The following DET1 variants were observed in gnomAD, a reference collection of about 807,000 sequenced individuals.
The protein encoded by DET1 is DET1 homolog.
DET1 carries 22 observed loss-of-function variants against 43.7 expected under a neutral mutation model. That is an observed-to-expected ratio of 0.50 (90% CI 0.36 to 0.72). DET1 has a LOEUF of 0.72. DET1 is among the 30% of genes least tolerant of loss of function. The pLI, the probability that DET1 is intolerant of heterozygous loss-of-function variation, is 0.00. For synonymous variants in DET1, 315 were observed against 266.2 expected (o/e 1.18, Z -1.79); for missense variants, 713 against 713.3 (o/e 1.00, Z 0.00).
chr15:88,507,421 G>T (rs1176034236), intron 7 of DET1, among the ~76,000 whole-genome samples: 1 of 152,084 alleles, frequency 6.6e-6, no homozygotes, highest in Non-Finnish European at 1.5e-5. Flanking sequence ...CCATTTATTT[G>T]ACTCCAAAAC....
At chr15:88,537,364 T>C (rs574405086) in intron 1 of DET1, among the ~76,000 whole-genome samples, 1 of 152,298 alleles carries the variant, frequency 6.6e-6, no homozygotes, top group East Asian at 1.9e-4. Flanking sequence ...TCTCACCTCC[T>C]GGATTTTTTG....
chr15:88,526,850 A>G (rs1316059011), intron 3 of DET1, among the ~76,000 whole-genome samples: 1 of 152,338 alleles, frequency 6.6e-6, no homozygotes, highest in East Asian at 1.9e-4. Flanking sequence ...AAAGGGATCT[A>G]GAGGGTCTGA....
In DET1 at chr15:88,512,660, C is replaced by G. The variant is rs992300353; in HGVS notation, c.*291G>C. 5 of 1,150,156 alleles carry G rather than the reference C, an allele frequency of 4.3e-6. No homozygotes were observed. Among genetic ancestry groups the G allele is most frequent in the Non-Finnish European group, 3.2e-6 (3 of 935,042 alleles). The allele number at this position is 1,150,156 out of a possible 1,614,324, so 71.2% of individuals were successfully genotyped here. A position where few individuals can be genotyped will look rare whatever the true frequency, so the allele number is the denominator to read the frequency against. ...TAAAAGTCTAATGCTTTCATCTTCA[C>G]AGCAATCAAATGCAAAGTAAAGCAA... On this transcript the variant is annotated 3_prime_UTR_variant, in exon 5 of 5. Transcript: ENST00000268148.
At position 88,531,278 on chromosome 15, in the gene DET1, T is replaced by A; in HGVS notation, c.428A>T (p.Glu143Val). The change falls in exon 2 of 5, where the codon GAG becomes GTG. Residue 143 changes from glutamate to valine, a missense_variant. Transcript: ENST00000268148. The surrounding 1 kb of genome is among the most constrained non-coding windows in gnomAD (Gnocchi z 6.2). ...GCAGTCATCAGTGAAGAGACTACAC[T>A]CCCGGTTCAGGTGCTCACCATTGGC... ...VAANGEHLNRECSLFTDDCRC... is the reference protein window; with the variant it reads ...VAANGEHLNRVCSLFTDDCRC... 1.9e-6 allele frequency: 3 copies of A among 1,613,838 alleles called. No individual in the cohort carries two copies. Among genetic ancestry groups the A allele is most frequent in the Non-Finnish European group, 1.7e-6 (2 of 1,179,856 alleles).
At chr15:88,528,334 A>C (rs1010112396) in intron 2 of DET1, among the ~76,000 whole-genome samples, 1 of 152,244 alleles carries the variant, frequency 6.6e-6, no homozygotes. Flanking sequence ...TAATATTTCT[A>C]ACATGCAGAG....
chr15:88,513,280 G>A (rs868174969), intron 4 of DET1, 140 bp from the exon 5 acceptor site: 1 of 818,446 alleles, frequency 1.2e-6, no homozygotes, highest in Non-Finnish European at 1.9e-6. Flanking sequence ...TCAGCCCCAG[G>A]TTATCAGAAG....
At chr15:88,511,397 C>A (rs538366097), downstream of DET1, 50 of 985,426 alleles carry the variant, frequency 5.1e-5, no homozygotes, top group South Asian at 2.0e-3. Flanking sequence ...TCTCCCTCAC[C>A]CCAGTGTATG....
chr15:88,515,539 AT>A (rs143686359), intron 4 of DET1, among the ~76,000 whole-genome samples: 15,936 of 53,432 alleles, frequency 0.3, 5,803 homozygotes, highest in African/African-American at 0.51. Context: ...ACTCCGTCTT[AT>A]AAAAAAAAAA....
At chr15:88,534,378 G>T (rs2142318811) in intron 1 of DET1, among the ~76,000 whole-genome samples, 1 of 152,280 alleles carries the variant, frequency 6.6e-6, no homozygotes, top group African/African-American at 2.4e-5. Context: ...AAAACCAATT[G>T]GCTAACAATA....
rs56400610 is a variant in DET1, at chr15:88,545,664, T to TCAATAGAAC, written c.-11+875_-11+876insGTTCTATTG. Reference sequence around the variant, plus strand: ...CTGTCAAACTTATGTATCTTAAGACTCCCCTTGTTAAAACTGAGGAATCAA... The same window carrying TCAATAGAAC: ...CTGTCAAACTTATGTATCTTAAGACTCAATAGAACCCCCTTGTTAAAACTGAGGAATCAA... On this transcript the variant is annotated intron_variant, in intron 1 of 4. Coordinates refer to ENST00000268148, the MANE Select transcript of DET1 (RefSeq NM_001144074.3). Among the ~76,000 whole-genome samples, 102 of 148,234 alleles carry TCAATAGAAC rather than the reference T, an allele frequency of 6.9e-4. No individual in the cohort carries two copies. The South Asian group carries it at 0.021, about 30-fold the overall frequency.
intron 4 of DET1, 32 bp from the exon 5 acceptor site, chr15:88,513,172 A>T (rs2056240321): frequency 6.4e-7 from 1 of 1,571,672 alleles, no homozygotes; most frequent in Non-Finnish European, 8.6e-7. Context: ...ACAGAGAAAG[A>T]GGGGACAGGA....
At chr15:88,513,161 G>A in intron 4 of DET1, 21 bp from the exon 5 acceptor site, 1 of 1,586,750 alleles carries the variant, frequency 6.3e-7, no homozygotes, top group Non-Finnish European at 8.6e-7. Flanking sequence ...CAAGGACAGA[G>A]ACAGAGAAAG....
chr15:88,508,948 T>C (rs1005677012), downstream of DET1, among the ~76,000 whole-genome samples: 4 of 152,026 alleles, frequency 2.6e-5, no homozygotes, highest in Admixed American at 2.6e-4. Flanking sequence ...AAGACCAGGG[T>C]CTTTTGAAAA....
At chr15:88,519,968 C>A (rs910932666) in intron 3 of DET1, among the ~76,000 whole-genome samples, 4 of 152,298 alleles carry the variant, frequency 2.6e-5, no homozygotes, top group Admixed American at 6.5e-5. Flanking sequence ...TACTTTGTTA[C>A]TAACAAATGG....
intron 3 of DET1, among the ~76,000 whole-genome samples, chr15:88,518,620 G>T (rs192200493): frequency 2.0e-5 from 3 of 152,212 alleles, no homozygotes; most frequent in African/African-American, 4.8e-5. Flanking sequence ...TAGAAAGAAT[G>T]TCAACTGTCT....
chr15:88,512,169 C>T (rs902665299), downstream of DET1, among the ~76,000 whole-genome samples: 2 of 152,200 alleles, frequency 1.3e-5, no homozygotes, highest in Non-Finnish European at 2.9e-5. Context: ...TTTGTTTCTG[C>T]TGTGGCCAAG....
At chr15:88,519,890 C>T (rs1209728976) in intron 3 of DET1, among the ~76,000 whole-genome samples, 1 of 152,168 alleles carries the variant, frequency 6.6e-6, no homozygotes, top group Non-Finnish European at 1.5e-5. Context: ...TCCTTCCAGA[C>T]TCCCATGCTC....
intron 3 of DET1, among the ~76,000 whole-genome samples, chr15:88,517,256 C>T (rs868594693): frequency 7.4e-5 from 10 of 135,980 alleles, no homozygotes; most frequent in Non-Finnish European, 1.4e-4. Context: ...GACAGGGTCT[C>T]GCTTTGTTGC....
chr15:88,522,761 G>T (rs922190097), intron 3 of DET1, among the ~76,000 whole-genome samples: 1 of 151,428 alleles, frequency 6.6e-6, no homozygotes, highest in Admixed American at 6.6e-5. Flanking sequence ...CTCATGATCC[G>T]CCTGCCTCAG....
Sources: gnomAD v4.1 joint callset for allele counts (sites outside exome capture counted in the v4.1 genomes callset) on GRCh38, gnomAD v4.1.1 for gene constraint, Gnocchi (gnomAD v3.1) non-coding constraint, MANE v1.5 for transcripts, NCBI Gene and HGNC (gene_info 2026-07-23, HGNC 2026-07-21) for gene names.